CFAP251: variants seen among roughly 807,000 people sequenced by gnomAD.
CFAP251 encodes cilia and flagella associated protein 251.
In CFAP251, 93 loss-of-function variants were observed where a neutral mutation model predicts 126.7. The observed-to-expected ratio is 0.73, with a 90% CI of 0.62 to 0.87. The LOEUF (loss-of-function observed/expected upper bound fraction) is 0.87, where lower values mean the gene tolerates loss of function less well. Ranked by LOEUF, CFAP251 falls within the 40% of genes least tolerant of loss-of-function variation. The pLI is 0.00. For synonymous variants in CFAP251, 503 were observed against 506.9 expected (o/e 0.99, Z 0.10); for missense variants, 1,287 against 1,389.2 (o/e 0.93, Z 1.17).
chr12:121,970,841 A>G (rs1882307036), intron 17 of CFAP251, among the ~76,000 whole-genome samples: 1 of 152,208 alleles, frequency 6.6e-6, no homozygotes, highest in Non-Finnish European at 1.5e-5. Context: ...CTTACTCAGC[A>G]GGAAGATGGC....
At chr12:121,995,730 C>T (rs1883009062) in intron 19 of CFAP251, among the ~76,000 whole-genome samples, 1 of 152,150 alleles carries the variant, frequency 6.6e-6, no homozygotes, top group African/African-American at 2.4e-5. Flanking sequence ...AAGCCATCCT[C>T]CCACCCTGGC....
chr12:121,951,045 C>G (rs1316120782), intron 8 of CFAP251: 1 of 152,326 alleles, frequency 6.6e-6, no homozygotes, highest in Non-Finnish European at 1.5e-5. Context: ...ATGGCAAAAC[C>G]CCATCTCTAC....
rs532127182 is a variant in CFAP251, at chr12:121,987,101, A to G, written c.3006+11416A>G. ...ACGAGGGGGGTAATTTGAGCCAAGA[A>G]GCACAGGGACAATTTCTGTTCTGAT... On this transcript the variant is annotated intron_variant, in intron 19 of 21. Transcript: ENST00000288912. 2.6e-5 allele frequency among the ~76,000 whole-genome samples: 4 copies of G among 152,330 alleles called. No individual in the cohort carries two copies. In the East Asian group the frequency reaches 7.7e-4, roughly 29 times the overall value.
intron 19 of CFAP251, among the ~76,000 whole-genome samples, chr12:121,987,629 C>T (rs535500286): frequency 6.0e-5 from 9 of 151,158 alleles, no homozygotes; most frequent in South Asian, 2.1e-4. Context: ...GCAGGAGAAT[C>T]GCTTGAACCC....
intron 15 of CFAP251, among the ~76,000 whole-genome samples, 193 bp downstream of exon 15, chr12:121,962,355 T>C (rs1881969512): frequency 6.6e-6 from 1 of 151,730 alleles, no homozygotes; most frequent in African/African-American, 2.4e-5. Flanking sequence ...TGTGTGGAGG[T>C]GAGATGTGCA....
intron 19 of CFAP251, among the ~76,000 whole-genome samples, chr12:121,996,199 A>C (rs1271344041): frequency 1.3e-5 from 2 of 152,236 alleles, no homozygotes; most frequent in Non-Finnish European, 2.9e-5. Context: ...GTTCATTCCC[A>C]CAGACCAAAG....
chr12:121,928,780 T>C (rs1880560590), intron 3 of CFAP251, among the ~76,000 whole-genome samples: 2 of 150,690 alleles, frequency 1.3e-5, no homozygotes, highest in South Asian at 4.2e-4. Flanking sequence ...CACAGCAACC[T>C]CCACCTCCTA....
In CFAP251 at chr12:121,974,072, G is replaced by A. The variant is rs1882398889; in HGVS notation, c.2772-1172G>A. On this transcript the variant is annotated intron_variant, in intron 17 of 21. Coordinates refer to ENST00000288912, the MANE Select transcript of CFAP251 (RefSeq NM_144668.6). This position sits in a 1 kb window ranked among gnomAD's most constrained non-coding sequence, Gnocchi z 4.6. Reference sequence around the variant, plus strand: ...CCATAATTCCCATGTGTTGTGGGAGGGACCTGGTGGGAGATGGTTGGATTG... The same window carrying A: ...CCATAATTCCCATGTGTTGTGGGAGAGACCTGGTGGGAGATGGTTGGATTG... Among the ~76,000 whole-genome samples the A allele has an allele frequency of 6.6e-6, 1 of 152,106 alleles. No individual in the cohort carries two copies. Among genetic ancestry groups the A allele is most frequent in the Non-Finnish European group, 1.5e-5 (1 of 68,022 alleles).
chr12:121,992,075 G>A (rs1419875414), intron 19 of CFAP251: 5 of 342,012 alleles, frequency 1.5e-5, no homozygotes, highest in South Asian at 2.3e-4. Flanking sequence ...ATAAAGCCCC[G>A]CCTTAGCAGG....
chr12:121,931,346 A>G (rs1379264835), intron 3 of CFAP251, among the ~76,000 whole-genome samples: 3 of 151,512 alleles, frequency 2.0e-5, no homozygotes, highest in African/African-American at 7.3e-5. Flanking sequence ...TTTTTCTCAC[A>G]CTGTCGCCCG....
At chr12:121,992,571 CT>C (rs984804245) in intron 19 of CFAP251, 747 of 798,588 alleles carry the variant, frequency 9.4e-4, no homozygotes, top group Middle Eastern at 1.3e-3. Flanking sequence ...TATATTATTT[CT>C]TTTTTTTTTC....
intron 17 of CFAP251, among the ~76,000 whole-genome samples, chr12:121,968,445 C>T (rs1396053875): frequency 5.9e-5 from 9 of 152,202 alleles, no homozygotes; most frequent in Non-Finnish European, 1.3e-4. Context: ...CTCCACATAT[C>T]CACACCTGCT....
intron 19 of CFAP251, among the ~76,000 whole-genome samples, chr12:121,985,070 T>C (rs938303399): frequency 6.6e-6 from 1 of 152,234 alleles, no homozygotes; most frequent in African/African-American, 2.4e-5. Context: ...TTGATCTCAG[T>C]GTAATTCTTA....
At chr12:121,925,169 G>A (rs1880362247) in intron 3 of CFAP251, among the ~76,000 whole-genome samples, 1 of 152,158 alleles carries the variant, frequency 6.6e-6, no homozygotes, top group Non-Finnish European at 1.5e-5. Flanking sequence ...AGGTAATGGA[G>A]GAGTGAAAGC....
intron 3 of CFAP251, among the ~76,000 whole-genome samples, chr12:121,928,576 G>A (rs950647072): frequency 6.8e-5 from 10 of 147,878 alleles, no homozygotes; most frequent in Admixed American, 1.4e-4. Flanking sequence ...ATCACTTTCA[G>A]CACTCTACTG....
intron 19 of CFAP251, among the ~76,000 whole-genome samples, chr12:121,986,988 C>G (rs542098493): frequency 2.0e-5 from 3 of 152,288 alleles, no homozygotes; most frequent in East Asian, 3.9e-4. Context: ...GCAAATCCCC[C>G]CAAAGCCCTG....
chr12:121,971,652 C>T (rs1882331039), intron 17 of CFAP251: 3 of 702,416 alleles, frequency 4.3e-6, no homozygotes, highest in Non-Finnish European at 7.8e-6. Flanking sequence ...ATGGAGGAGG[C>T]AGTGGAGCTG....
chr12:121,954,649 A>AAAAAAC (rs1881656176), intron 10 of CFAP251, among the ~76,000 whole-genome samples: 5 of 139,954 alleles, frequency 3.6e-5, no homozygotes, highest in Non-Finnish European at 6.5e-5. Flanking sequence ...AAAAAAAAAA[A>AAAAAAC]AAAAAAAAAA....
intron 15 of CFAP251, 45 bp downstream of exon 15, chr12:121,962,207 C>T (rs1592988487): frequency 6.3e-7 from 1 of 1,579,864 alleles, no homozygotes; most frequent in Non-Finnish European, 8.6e-7. Flanking sequence ...GGATCAAGTT[C>T]TCTGCCCCCA....
Sources: gnomAD v4.1 joint callset for allele counts (sites outside exome capture counted in the v4.1 genomes callset) on GRCh38, gnomAD v4.1.1 for gene constraint, Gnocchi (gnomAD v3.1) non-coding constraint, MANE v1.5 for transcripts, NCBI Gene and HGNC (gene_info 2026-07-23, HGNC 2026-07-21) for gene names.